Variants in CREBZF observed in about 807,000 individuals in gnomAD.
CREBZF encodes HCF-binding transcription factor Zhangfei.
Under a neutral mutation model 21.1 loss-of-function variants are expected in CREBZF, and 8 were observed. The observed-to-expected ratio is 0.38, with a 90% CI of 0.22 to 0.68. The LOEUF (loss-of-function observed/expected upper bound fraction) is 0.68, where lower values mean the gene tolerates loss of function less well. CREBZF is among the 30% of genes least tolerant of loss of function. The pLI is 0.51. For missense variants in CREBZF, 518 were observed against 484.3 expected (o/e 1.07, Z -0.65); for synonymous variants, 270 against 223.3 (o/e 1.21, Z -1.86).
Position 85,661,089 on chromosome 11 carries a change from T to A in CREBZF, c.*2722A>T, listed in dbSNP as rs532557706. ...AGTTTCACATTAATCATAACTTTTT[T>A]AATTAACAAGTAGTGAATCGGACAC... On this transcript the variant is annotated 3_prime_UTR_variant, in exon 1 of 1. Coordinates refer to ENST00000527447, the MANE Select transcript of CREBZF (RefSeq NM_001039618.4). 3.3e-5 allele frequency: 5 copies of A among 153,508 alleles called. No homozygotes were observed. Among genetic ancestry groups the A allele is most frequent in the African/African-American group, 9.6e-5 (4 of 41,572 alleles). The allele number at this position is 153,508 out of a possible 1,614,324, so 9.5% of individuals were successfully genotyped here. A position where few individuals can be genotyped will look rare whatever the true frequency, so the allele number is the denominator to read the frequency against.
chr11:85,673,851 T>C (rs1487761879), intron 1 of CREBZF, among the ~76,000 whole-genome samples: 1 of 152,248 alleles, frequency 6.6e-6, no homozygotes. Flanking sequence ...GTTCACAGCA[T>C]CTTCACCAGA....
rs111405871 is a variant in CREBZF, at chr11:85,674,121, T to C, written n.147+8596A>G. Among the ~76,000 whole-genome samples the C allele has an allele frequency of 4.6e-5, 7 of 152,348 alleles. No individual in the cohort carries two copies. In the East Asian group the frequency reaches 1.3e-3, roughly 29 times the overall value. On this transcript the variant is annotated intron_variant and non_coding_transcript_variant, in intron 1 of 3. Coordinates refer to the CREBZF transcript ENST00000531515. ...CAAACGTTCTCAATGGCATCTAGAA[T>C]GGTGAATCCTTTCCAGGTTTTCAAT...
At position 85,664,755 on chromosome 11, in the gene CREBZF, C is replaced by A; in HGVS notation, c.121G>T (p.Gly41Trp). The change falls in exon 1 of 1, where the codon GGG (glycine) becomes TGG (tryptophan). Residue 41 changes from glycine to tryptophan, a missense_variant. Physicochemically the swap from Gly to Trp is radical, Grantham distance 184. This residue lies in a region of CREBZF where 396 missense variants were observed against 324.4 expected (regional missense o/e 1.22). Coordinates refer to ENST00000527447, the MANE Select transcript of CREBZF (RefSeq NM_001039618.4). The surrounding 1 kb of genome is among the most constrained non-coding windows in gnomAD (Gnocchi z 5.5). Reference sequence around the variant, plus strand: ...CCGGCCGCCGCCGTCTCCTCCTCCCCCGCTGCAGCCCGGGTCAGGTCAGAG... The same window carrying A: ...CCGGCCGCCGCCGTCTCCTCCTCCCACGCTGCAGCCCGGGTCAGGTCAGAG... Reference protein sequence around the residue: ...LPSDLTRAAAGEEETAAAGSP... With the variant: ...LPSDLTRAAAWEEETAAAGSP... 1 of 1,608,344 alleles carries A rather than the reference C, an allele frequency of 6.2e-7. No individual in the cohort carries two copies. The highest frequency in any genetic ancestry group is 8.5e-7 in the Non-Finnish European group (1 of 1,178,514).
intron 1 of CREBZF, among the ~76,000 whole-genome samples, chr11:85,681,718 T>G (rs2082977369): frequency 6.6e-6 from 1 of 152,238 alleles, no homozygotes; most frequent in Non-Finnish European, 1.5e-5. Context: ...GAAAACAGTG[T>G]TGTTGTTTAA....
Position 85,664,594 on chromosome 11 carries a change from T to C in CREBZF, c.282A>G (p.Glu94=), listed in dbSNP as rs756607366. ...EEEAIASLPG[E]ETEDMDFLSG... Reference sequence around the variant, plus strand: ...ACAGAAAGTCCATATCCTCCGTCTCTTCCCCCGGGAGGCTGGCGATCGCCT... The same window carrying C: ...ACAGAAAGTCCATATCCTCCGTCTCCTCCCCCGGGAGGCTGGCGATCGCCT... The change falls in exon 1 of 1, where the codon GAA becomes GAG. Residue 94 remains glutamate (E), a synonymous_variant. Transcript: ENST00000527447. The surrounding 1 kb of genome is among the most constrained non-coding windows in gnomAD (Gnocchi z 5.5). The C allele has an allele frequency of 4.3e-6, 7 of 1,613,638 alleles. No individual in the cohort carries two copies. The highest frequency in any genetic ancestry group is 4.0e-5 in the African/African-American group (3 of 74,894).
Position 85,664,307 on chromosome 11 carries a change from G to A in CREBZF, c.569C>T (p.Pro190Leu). ...GSAEKRRRKS[P>L]GGGGGGGSGN... ...GCTGCCGCCACCGCCGCCTCCTCCT[G>A]GGGACTTTCTCCGCCTCTTTTCGGC... The change falls in exon 1 of 1, where the codon CCA (proline) becomes CTA (leucine). Residue 190 changes from proline (P) to leucine (L), a missense_variant. By Grantham distance (98) the Pro-to-Leu change is moderately conservative. Transcript: ENST00000527447. This position sits in a 1 kb window ranked among gnomAD's most constrained non-coding sequence, Gnocchi z 5.5. 4.3e-6 allele frequency: 7 copies of A among 1,611,810 alleles called. No individual in the cohort carries two copies. Among genetic ancestry groups the A allele is most frequent in the Non-Finnish European group, 5.9e-6 (7 of 1,179,350 alleles).
intron 1 of CREBZF, among the ~76,000 whole-genome samples, chr11:85,680,784 C>T (rs1317912134): frequency 3.9e-5 from 6 of 152,170 alleles, no homozygotes; most frequent in Admixed American, 2.0e-4. Context: ...ATTCCAATAA[C>T]TTTTTTAAGA....
intron 1 of CREBZF, among the ~76,000 whole-genome samples, chr11:85,676,048 T>C (rs1346055083): frequency 1.3e-5 from 2 of 152,254 alleles, no homozygotes; most frequent in African/African-American, 2.4e-5. Context: ...TATACTATTG[T>C]GGACTAATCT....
In CREBZF at chr11:85,663,654, TC is replaced by T. The variant is rs2082754212; in HGVS notation, c.*156del. ...TTATCATTAGGAGTTGGTTACTGTG[TC>T]ACATTCATGCTTTTAGCTAAACACT... On this transcript the variant is annotated 3_prime_UTR_variant, in exon 1 of 1. Coordinates refer to ENST00000527447, the MANE Select transcript of CREBZF (RefSeq NM_001039618.4). 3 of 1,601,534 alleles carry T rather than the reference TC, an allele frequency of 1.9e-6. No individual in the cohort carries two copies. The highest frequency in any genetic ancestry group is 2.2e-5 in the South Asian group (2 of 90,040).
At position 85,664,911 on chromosome 11, in the gene CREBZF, C is replaced by A; in HGVS notation, c.-36G>T. ...GGCGGGCCGCGGTAGGCCCCGGCCG[C>A]TAAGAGTGGGCCTCACGGGCCCCAA... On this transcript the variant is annotated 5_prime_UTR_variant, in exon 1 of 1. Transcript: ENST00000527447. The surrounding 1 kb of genome is among the most constrained non-coding windows in gnomAD (Gnocchi z 5.5). 1 of 1,404,424 alleles carries A rather than the reference C, an allele frequency of 7.1e-7. No homozygotes were observed. The highest frequency in any genetic ancestry group is 9.3e-7 in the Non-Finnish European group (1 of 1,075,786). 87.0% of individuals were successfully genotyped at this position (1,404,424 alleles called of 1,614,324 possible). A position where few individuals can be genotyped will look rare whatever the true frequency, so the allele number is the denominator to read the frequency against.
At chr11:85,669,172 A>G (rs2082894255), upstream of CREBZF, among the ~76,000 whole-genome samples, 2 of 152,036 alleles carry the variant, frequency 1.3e-5, no homozygotes, top group African/African-American at 4.8e-5. Flanking sequence ...CCATAAAGCT[A>G]TGTAAAAACT....
intron 1 of CREBZF, among the ~76,000 whole-genome samples, chr11:85,676,543 C>T (rs1316573558): frequency 1.3e-5 from 2 of 152,130 alleles, no homozygotes; most frequent in African/African-American, 4.8e-5. Context: ...TGATTTATCT[C>T]TTTTTTATTG....
At chr11:85,678,509 A>T (rs1345917836) in intron 1 of CREBZF, among the ~76,000 whole-genome samples, 9 of 152,094 alleles carry the variant, frequency 5.9e-5, no homozygotes, top group Non-Finnish European at 1.0e-4. Context: ...TAACATAATT[A>T]TTTTTTGCTT....
At chr11:85,682,746 C>T (rs2082985616) in exon 1 of CREBZF, 12 of 699,280 alleles carry the variant, frequency 1.7e-5, no homozygotes, top group South Asian at 1.3e-4. Flanking sequence ...CTTCCAGAAC[C>T]GTCCGGCCTC....
At chr11:85,674,734 CA>C (rs2082931915) in intron 1 of CREBZF, among the ~76,000 whole-genome samples, 1 of 152,238 alleles carries the variant, frequency 6.6e-6, no homozygotes. Flanking sequence ...CTACCTTCAT[CA>C]ATTATCTCAG....
chr11:85,681,463 C>T (rs2082976145), intron 1 of CREBZF, among the ~76,000 whole-genome samples: 1 of 152,156 alleles, frequency 6.6e-6, no homozygotes, highest in African/African-American at 2.4e-5. Flanking sequence ...TCTGAAAATA[C>T]CAGTCAGTTC....
In CREBZF at chr11:85,663,243, C is replaced by A; in HGVS notation, c.*568G>T. ...TTCAGTGTACAGTTGGAACCGATGT[C>A]ATCCAAGGCCATGTCCACACTGGGG... On this transcript the variant is annotated 3_prime_UTR_variant, in exon 1 of 1. Coordinates refer to ENST00000527447, the MANE Select transcript of CREBZF (RefSeq NM_001039618.4). The A allele has an allele frequency of 2.1e-6, 1 of 470,130 alleles. No individual in the cohort carries two copies. Among genetic ancestry groups the A allele is most frequent in the Non-Finnish European group, 3.8e-6 (1 of 260,382 alleles). 29.1% of individuals were successfully genotyped at this position (470,130 alleles called of 1,614,324 possible).
At chr11:85,667,293 G>A (rs1487005121), upstream of CREBZF, among the ~76,000 whole-genome samples, 4 of 151,126 alleles carry the variant, frequency 2.6e-5, no homozygotes, top group African/African-American at 9.7e-5. Context: ...GGCTGGTCTC[G>A]AACTCCTGGC....
rs758217927 is a variant in CREBZF at position 85,664,905 on chromosome 11, C to T, written c.-30G>A. 2.1e-6 allele frequency: 3 copies of T among 1,423,736 alleles called. No homozygotes were observed. The highest frequency in any genetic ancestry group is 5.3e-5 in the East Asian group (2 of 37,936). The allele number at this position is 1,423,736 out of a possible 1,614,324, so 88.2% of individuals were successfully genotyped here. ...GCCAGCGGCGGGCCGCGGTAGGCCC[C>T]GGCCGCTAAGAGTGGGCCTCACGGG... On this transcript the variant is annotated 5_prime_UTR_variant, in exon 1 of 1. Coordinates refer to ENST00000527447, the MANE Select transcript of CREBZF (RefSeq NM_001039618.4). The surrounding 1 kb of genome is among the most constrained non-coding windows in gnomAD (Gnocchi z 5.5).
Sources: gnomAD v4.1 joint callset for allele counts (sites outside exome capture counted in the v4.1 genomes callset) on GRCh38, gnomAD v4.1.1 for gene constraint, gnomAD v4.1.1 regional missense constraint, Gnocchi (gnomAD v3.1) non-coding constraint, MANE v1.5 for transcripts, NCBI Gene and HGNC (gene_info 2026-07-23, HGNC 2026-07-21) for gene names.